The following RASA2 variants were observed in gnomAD, a reference collection of about 807,000 sequenced individuals.
RASA2 encodes ras GTPase-activating protein 2.
A neutral mutation model predicts 118.2 loss-of-function variants in RASA2; 155 were observed. The observed-to-expected ratio is 1.31, with a 90% CI of 1.15 to 1.50. The LOEUF is 1.50. Ranked by LOEUF, RASA2 falls within the 40% of genes most tolerant of loss-of-function variation. RASA2 has a pLI of 0.00. For missense variants in RASA2, 1,016 were observed against 1,009.6 expected (o/e 1.01, Z -0.09); for synonymous variants, 353 against 349.1 (o/e 1.01, Z -0.12).
In RASA2 at chr3:141,534,768, A is replaced by C. The variant is rs570883073; in HGVS notation, c.450+4966A>C. On this transcript the variant is annotated intron_variant, in intron 4 of 23. Coordinates refer to ENST00000286364, the MANE Select transcript of RASA2 (RefSeq NM_006506.5). Reference sequence around the variant, plus strand: ...GTTGATTTTTTTTAACTTCATTTTAAATTTTTATGTGAATTAATAATGAGC... The same window carrying C: ...GTTGATTTTTTTTAACTTCATTTTACATTTTTATGTGAATTAATAATGAGC... Among the ~76,000 whole-genome samples the C allele has an allele frequency of 1.7e-4, 25 of 151,402 alleles. No individual in the cohort carries two copies. In the South Asian group the frequency reaches 2.1e-3, roughly 13 times the overall value.
intron 8 of RASA2, 94 bp from the exon 9 acceptor site, chr3:141,559,800 C>G: frequency 1.0e-6 from 1 of 990,946 alleles, no homozygotes; most frequent in South Asian, 1.4e-5. Context: ...AAAATTAATG[C>G]TGTAATACAG....
At chr3:141,499,168 T>G (rs1041879122) in intron 1 of RASA2, among the ~76,000 whole-genome samples, 4 of 152,084 alleles carry the variant, frequency 2.6e-5, no homozygotes, top group African/African-American at 9.7e-5. Context: ...TGTATGATAG[T>G]TATTGTGCAC....
intron 5 of RASA2, among the ~76,000 whole-genome samples, chr3:141,542,411 C>T (rs2082418242): frequency 6.6e-6 from 1 of 151,976 alleles, no homozygotes; most frequent in Admixed American, 6.6e-5. Context: ...TACTGTTATC[C>T]TCATTTTGCA....
chr3:141,531,474 G>A (rs1318060961), intron 4 of RASA2, among the ~76,000 whole-genome samples: 1 of 150,744 alleles, frequency 6.6e-6, no homozygotes, highest in African/African-American at 2.4e-5. Flanking sequence ...GTATATATAT[G>A]CATATATATG....
chr3:141,602,495 A>G (rs968194623), intron 19 of RASA2, among the ~76,000 whole-genome samples: 5 of 152,188 alleles, frequency 3.3e-5, no homozygotes, highest in African/African-American at 7.2e-5. Flanking sequence ...TGGGTGGCCC[A>G]GTTCCTAACA....
intron 6 of RASA2, among the ~76,000 whole-genome samples, chr3:141,555,319 A>C (rs2082632749): frequency 6.6e-6 from 1 of 152,182 alleles, no homozygotes; most frequent in Non-Finnish European, 1.5e-5. Flanking sequence ...GTAGTTGTGT[A>C]AGATGTTAAC....
At chr3:141,577,853 T>A (rs1204372749) in intron 15 of RASA2, among the ~76,000 whole-genome samples, 2 of 152,200 alleles carry the variant, frequency 1.3e-5, no homozygotes, top group African/African-American at 4.8e-5. Flanking sequence ...GAGTCCTGTT[T>A]AATTACCAAA....
chr3:141,512,408 G>A (rs533478963), intron 2 of RASA2, 128 bp downstream of exon 2: 443 of 641,286 alleles, frequency 6.9e-4, no homozygotes, highest in Non-Finnish European at 9.6e-4. Context: ...GCTTTTCATT[G>A]CCTCAAAATG....
At chr3:141,600,285 T>C (rs1229047432) in intron 19 of RASA2, 17 of 538,138 alleles carry the variant, frequency 3.2e-5, no homozygotes, top group Admixed American at 2.9e-4. Context: ...CAGCCCCTTC[T>C]ACTGCCTCAC....
chr3:141,571,082 C>A lies in RASA2; in HGVS notation c.1020+14C>A. 6.3e-7 allele frequency: 1 copy of A among 1,582,238 alleles called. No homozygotes were observed. The highest frequency in any genetic ancestry group is 8.5e-7 in the Non-Finnish European group (1 of 1,169,652). On this transcript the variant is annotated intron_variant, in intron 10 of 23. Coordinates refer to ENST00000286364, the MANE Select transcript of RASA2 (RefSeq NM_006506.5). Reference sequence around the variant, plus strand: ...CCAGATGTTCAAGTATGTTAAGAATCTTAAGGATATGATTTAACACGAAAC... The same window carrying A: ...CCAGATGTTCAAGTATGTTAAGAATATTAAGGATATGATTTAACACGAAAC...
chr3:141,589,798 G>A (rs748815416), intron 19 of RASA2, among the ~76,000 whole-genome samples: 5 of 151,390 alleles, frequency 3.3e-5, no homozygotes, highest in African/African-American at 7.3e-5. Context: ...CCAAGATCGC[G>A]CCACTGCATT....
In RASA2 at chr3:141,527,336, C is replaced by G. The variant is rs956529716; in HGVS notation, c.356-2372C>G. Among the ~76,000 whole-genome samples the G allele has an allele frequency of 4.6e-5, 7 of 152,092 alleles. No homozygotes were observed. In the East Asian group the frequency reaches 1.4e-3, roughly 29 times the overall value. On this transcript the variant is annotated intron_variant, in intron 3 of 23. Transcript: ENST00000286364. ...AAATTTCACCAGAAGTCTACTGATT[C>G]GTTTCTGGATGGTAAGTAAACTCTC... is the stretch of plus-strand genomic sequence containing the variant.
intron 19 of RASA2, among the ~76,000 whole-genome samples, chr3:141,588,047 A>C (rs1577795255): frequency 6.6e-6 from 1 of 152,166 alleles, no homozygotes; most frequent in South Asian, 2.1e-4. Context: ...ATAATGCATC[A>C]GTTTTCAGGA....
At chr3:141,585,643 A>T (rs1296051939) in intron 17 of RASA2, among the ~76,000 whole-genome samples, 3 of 151,022 alleles carry the variant, frequency 2.0e-5, no homozygotes, top group Admixed American at 6.6e-5. Flanking sequence ...TACTAAAAAT[A>T]AAAAAAAATA....
chr3:141,579,708 G>A (rs955544443), intron 15 of RASA2, among the ~76,000 whole-genome samples: 1 of 152,050 alleles, frequency 6.6e-6, no homozygotes, highest in African/African-American at 2.4e-5. Flanking sequence ...TAATTTGCCA[G>A]GTAATCCAAG....
At position 141,558,803 on chromosome 3, in the gene RASA2, A is replaced by G. The variant is rs1185428203; in HGVS notation, c.685-83A>G. The G allele has an allele frequency of 4.7e-6, 5 of 1,058,594 alleles. No homozygotes were observed. The Admixed American group carries it at 8.2e-5, about 17-fold the overall frequency. 65.6% of individuals were successfully genotyped at this position (1,058,594 alleles called of 1,614,324 possible). On this transcript the variant is annotated intron_variant, in intron 7 of 23. Transcript: ENST00000286364. Reference sequence around the variant, plus strand: ...TTCCTCTGCTTTTATCCACAATTGAATATTTTGCAGATGATCATTTTTAAG... The same window carrying G: ...TTCCTCTGCTTTTATCCACAATTGAGTATTTTGCAGATGATCATTTTTAAG...
Position 141,612,378 on chromosome 3 carries a change from A to T in RASA2, c.*65A>T. ...TTTTCTTGGAGCTTTTCAATTCATC[A>T]TGTATTTTGTTCATGGTATTTAAGA... On this transcript the variant is annotated 3_prime_UTR_variant, in exon 24 of 24. Transcript: ENST00000286364. The T allele has an allele frequency of 7.3e-7, 1 of 1,377,476 alleles. No individual in the cohort carries two copies. Among genetic ancestry groups the T allele is most frequent in the South Asian group, 1.3e-5 (1 of 77,214 alleles). The allele number at this position is 1,377,476 out of a possible 1,614,324, so 85.3% of individuals were successfully genotyped here.
intron 1 of RASA2, among the ~76,000 whole-genome samples, chr3:141,497,654 G>T (rs2081723375): frequency 6.6e-6 from 1 of 151,346 alleles, no homozygotes; most frequent in Non-Finnish European, 1.5e-5. Context: ...TTGAGCTCAG[G>T]AGTTTGAGAC....
rs2083566448 is a variant in RASA2 at position 141,607,538 on chromosome 3, A to G, written c.1934-140A>G. 5.1e-6 allele frequency: 4 copies of G among 782,870 alleles called. No homozygotes were observed. In the South Asian group the frequency reaches 1.3e-4, roughly 26 times the overall value. 48.5% of individuals were successfully genotyped at this position (782,870 alleles called of 1,614,324 possible). A position where few individuals can be genotyped will look rare whatever the true frequency, so the allele number is the denominator to read the frequency against. On this transcript the variant is annotated intron_variant, in intron 19 of 23. Coordinates refer to ENST00000286364, the MANE Select transcript of RASA2 (RefSeq NM_006506.5). ...TTCCATGAAACAAATATTTATATATATGCCATTTGTAAGTCTTCTGTAGGT... is the reference window on the plus strand; with the variant it reads ...TTCCATGAAACAAATATTTATATATGTGCCATTTGTAAGTCTTCTGTAGGT...
Sources: gnomAD v4.1 joint callset for allele counts (sites outside exome capture counted in the v4.1 genomes callset) on GRCh38, gnomAD v4.1.1 for gene constraint, MANE v1.5 for transcripts, NCBI Gene and HGNC (gene_info 2026-07-23, HGNC 2026-07-21) for gene names.